OTUD1: variants seen among roughly 807,000 people sequenced by gnomAD.
OTUD1 encodes the protein OTU domain-containing protein 1.
In OTUD1, 15 loss-of-function variants were observed where a neutral mutation model predicts 30.0. The observed-to-expected ratio is 0.50, with a 90% CI of 0.33 to 0.77. OTUD1 has a LOEUF of 0.77. Among genes scored for constraint, OTUD1 ranks in the 30% least tolerant of loss-of-function variants. The pLI is 0.02. For missense variants in OTUD1, 796 were observed against 697.8 expected (o/e 1.14, Z -1.59); for synonymous variants, 381 against 326.3 (o/e 1.17, Z -1.81).
Position 23,440,265 on chromosome 10 carries a change from G to A in OTUD1, c.808G>A (p.Ala270Thr), listed in dbSNP as rs115994850. ...EAPPAGSIEA[A>T]PSSAAEPVIV... ...ACCCCCCGCCGGGAGCATCGAGGCC[G>A]CCCCGAGTAGTGCGGCGGAGCCGGT... is the stretch of plus-strand genomic sequence containing the variant. The change falls in exon 1 of 1, where the codon GCC becomes ACC. Residue 270 changes from alanine (A) to threonine (T), a missense_variant. Ala to Thr is a moderately conservative substitution (Grantham distance 58). Coordinates refer to ENST00000376495, the MANE Select transcript of OTUD1 (RefSeq NM_001145373.3). 3 of 1,548,240 alleles carry A rather than the reference G, an allele frequency of 1.9e-6. No individual in the cohort carries two copies. Among genetic ancestry groups the A allele is most frequent in the East Asian group, 2.4e-5 (1 of 40,838 alleles).
rs1207913160 is a variant in OTUD1, at chr10:23,442,356, T to A, written c.*1453T>A. ...AGTAATTTCAAAGGATAAGTCTGAA[T>A]AAAATATAATTTAAAAGTGGAGTAA... On this transcript the variant is annotated 3_prime_UTR_variant, in exon 1 of 1. Coordinates refer to ENST00000376495, the MANE Select transcript of OTUD1 (RefSeq NM_001145373.3). The A allele has an allele frequency of 6.0e-6, 1 of 167,126 alleles. No homozygotes were observed. Among genetic ancestry groups the A allele is most frequent in the Non-Finnish European group, 1.5e-5 (1 of 68,126 alleles). The allele number at this position is 167,126 out of a possible 1,614,324, so 10.4% of individuals were successfully genotyped here.
Position 23,440,431 on chromosome 10 carries a change from TCA to T in OTUD1, c.975_976del (p.Ser326GlnfsTer33). ...GACGGCAACTGCCTCTACCGAGCTG[TCA>T]GCAAGACGGTGTATGGGGACCAGAG... On this transcript the variant is annotated frameshift_variant, in exon 1 of 1. Coordinates refer to ENST00000376495, the MANE Select transcript of OTUD1 (RefSeq NM_001145373.3). LOFTEE classifies it high-confidence loss of function. The T allele has an allele frequency of 6.4e-7, 1 of 1,551,688 alleles. No homozygotes were observed. The highest frequency in any genetic ancestry group is 8.7e-7 in the Non-Finnish European group (1 of 1,146,990).
chr10:23,439,637 G>T lies in OTUD1; in HGVS notation c.180G>T (p.Glu60Asp). 1 of 1,297,332 alleles carries T rather than the reference G, an allele frequency of 7.7e-7. No homozygotes were observed. The highest frequency in any genetic ancestry group is 9.8e-7 in the Non-Finnish European group (1 of 1,018,158). The allele number at this position is 1,297,332 out of a possible 1,614,324, so 80.4% of individuals were successfully genotyped here. The change falls in exon 1 of 1, where the codon GAG becomes GAT. Residue 60 changes from glutamate (E) to aspartate (D), a missense_variant. Transcript: ENST00000376495. Reference sequence around the variant, plus strand: ...AGTGCCAGCCCGCCGCGGCCGCCGAGCACCGGGAAGCCGCCGCTGTCCCCG... The same window carrying T: ...AGTGCCAGCCCGCCGCGGCCGCCGATCACCGGGAAGCCGCCGCTGTCCCCG... ...TGECQPAAAA[E>D]HREAAAVPAA... is the part of the protein sequence containing the mutation.
rs746828121 is a variant in OTUD1 at position 23,442,066 on chromosome 10, CTTTTT to C, written c.*1166_*1170del. ...TATTTATTAAGTAATGCAGTTTGTA[CTTTTT>C]TTATTTTGTAACATTTTGTGATTTT... On this transcript the variant is annotated 3_prime_UTR_variant, in exon 1 of 1. Coordinates refer to ENST00000376495, the MANE Select transcript of OTUD1 (RefSeq NM_001145373.3). 1 of 166,872 alleles carries C rather than the reference CTTTTT, an allele frequency of 6.0e-6. No individual in the cohort carries two copies. Among genetic ancestry groups the C allele is most frequent in the African/African-American group, 2.4e-5 (1 of 41,426 alleles). The allele number at this position is 166,872 out of a possible 1,614,324, so 10.3% of individuals were successfully genotyped here. A position where few individuals can be genotyped will look rare whatever the true frequency, so the allele number is the denominator to read the frequency against.
Position 23,440,448 on chromosome 10 carries a change from G to A in OTUD1, c.991G>A (p.Gly331Arg). The change falls in exon 1 of 1, where the codon GGG (glycine) becomes AGG (arginine). Residue 331 changes from glycine to arginine, a missense_variant. Coordinates refer to ENST00000376495, the MANE Select transcript of OTUD1 (RefSeq NM_001145373.3). ...LYRAVSKTVY[G>R]DQSLHRELRE... ...CCGAGCTGTCAGCAAGACGGTGTAT[G>A]GGGACCAGAGCCTGCACCGGGAGTT... 6.4e-7 allele frequency: 1 copy of A among 1,551,734 alleles called. No individual in the cohort carries two copies. Among genetic ancestry groups the A allele is most frequent in the Admixed American group, 2.0e-5 (1 of 51,018 alleles).
In OTUD1 at chr10:23,439,395, G is replaced by T; in HGVS notation, c.-63G>T. Reference sequence around the variant, plus strand: ...CCGCCGGCCCCCTCCCCCGGGCCCGGAGGGTGTGTCCCCCGCTCCGGGGCT... The same window carrying T: ...CCGCCGGCCCCCTCCCCCGGGCCCGTAGGGTGTGTCCCCCGCTCCGGGGCT... On this transcript the variant is annotated 5_prime_UTR_variant, in exon 1 of 1. Coordinates refer to ENST00000376495, the MANE Select transcript of OTUD1 (RefSeq NM_001145373.3). 1 of 1,215,482 alleles carries T rather than the reference G, an allele frequency of 8.2e-7. No individual in the cohort carries two copies. 75.3% of individuals were successfully genotyped at this position (1,215,482 alleles called of 1,614,324 possible). A position where few individuals can be genotyped will look rare whatever the true frequency, so the allele number is the denominator to read the frequency against.
rs1847115639 is a variant in OTUD1 at position 23,440,462 on chromosome 10, G to A, written c.1005G>A (p.Leu335=). 3 of 1,551,632 alleles carry A rather than the reference G, an allele frequency of 1.9e-6. No homozygotes were observed. Among genetic ancestry groups the A allele is most frequent in the Non-Finnish European group, 1.7e-6 (2 of 1,147,018 alleles). The stretch of plus-strand genomic sequence containing the variant: ...AGACGGTGTATGGGGACCAGAGCCT[G>A]CACCGGGAGTTGAGGGAGCAGACGG... ...VSKTVYGDQS[L]HRELREQTVH... Residue 335 remains leucine (L), a synonymous_variant, in exon 1 of 1, where the codon CTG becomes CTA. Coordinates refer to ENST00000376495, the MANE Select transcript of OTUD1 (RefSeq NM_001145373.3).
At position 23,440,096 on chromosome 10, in the gene OTUD1, C is replaced by T. The variant is rs780011249; in HGVS notation, c.639C>T (p.Thr213=). 454 of 1,427,972 alleles carry T rather than the reference C, an allele frequency of 3.2e-4. 3 individuals carry two copies. The highest frequency in any genetic ancestry group is 7.4e-4 in the Middle Eastern group (3 of 4,074). The allele number at this position is 1,427,972 out of a possible 1,614,324, so 88.5% of individuals were successfully genotyped here. A position where few individuals can be genotyped will look rare whatever the true frequency, so the allele number is the denominator to read the frequency against. The change falls in exon 1 of 1, where the codon ACC becomes ACT. Residue 213 remains threonine (T), a synonymous_variant. Transcript: ENST00000376495. ...CCAAGCACCGAGGCCCCGCGGCGAC[C>T]CCGGGGAGCCCCGATCCCGGCCCCG... is the stretch of plus-strand genomic sequence containing the variant. ...AAAKHRGPAA[T]PGSPDPGPGP...
chr10:23,441,029 G>C lies in OTUD1; in HGVS notation c.*126G>C. The C allele has an allele frequency of 2.0e-6, 2 of 1,008,956 alleles. No individual in the cohort carries two copies. Among genetic ancestry groups the C allele is most frequent in the Non-Finnish European group, 1.4e-6 (1 of 698,402 alleles). 62.5% of individuals were successfully genotyped at this position (1,008,956 alleles called of 1,614,324 possible). On this transcript the variant is annotated 3_prime_UTR_variant, in exon 1 of 1. Transcript: ENST00000376495. ...TAGTAGATTTTACTGTAGGTGTAAT[G>C]CCTTAATCATCTTTTTGAATGTTTT...
In OTUD1 at chr10:23,439,581, G is replaced by A; in HGVS notation, c.124G>A (p.Ala42Thr). 7.3e-7 allele frequency: 1 copy of A among 1,369,268 alleles called. No individual in the cohort carries two copies. The highest frequency in any genetic ancestry group is 9.5e-7 in the Non-Finnish European group (1 of 1,056,938). The allele number at this position is 1,369,268 out of a possible 1,614,324, so 84.8% of individuals were successfully genotyped here. Residue 42 changes from alanine to threonine, a missense_variant, in exon 1 of 1, where the codon GCC (alanine) becomes ACC (threonine). Ala to Thr is a moderately conservative substitution (Grantham distance 58). Coordinates refer to ENST00000376495, the MANE Select transcript of OTUD1 (RefSeq NM_001145373.3). ...GGTCTCGCTGCAGCCCCCGGGAGCC[G>A]CCGGCGCCGCGCCCGAGCCCGAGAC... ...FKVSLQPPGA[A>T]GAAPEPETGE...
Position 23,439,986 on chromosome 10 carries a change from C to A in OTUD1, c.529C>A (p.Pro177Thr). ...GGAGGAGCTGCTGCGGCCCGACTGC[C>A]CCGAGCCCGCGGGCTTGGACGCGAC... ...LLEELLRPDC[P>T]EPAGLDATRE... The change falls in exon 1 of 1, where the codon CCC becomes ACC. Residue 177 changes from proline (P) to threonine (T), a missense_variant. Transcript: ENST00000376495. 1 of 1,360,610 alleles carries A rather than the reference C, an allele frequency of 7.3e-7. No individual in the cohort carries two copies. The highest frequency in any genetic ancestry group is 9.4e-7 in the Non-Finnish European group (1 of 1,059,942). The allele number at this position is 1,360,610 out of a possible 1,614,324, so 84.3% of individuals were successfully genotyped here.
At position 23,442,179 on chromosome 10, in the gene OTUD1, A is replaced by G. The variant is rs570872956; in HGVS notation, c.*1276A>G. 9.0e-5 allele frequency: 15 copies of G among 167,208 alleles called. No individual in the cohort carries two copies. Among genetic ancestry groups the G allele is most frequent in the African/African-American group, 2.9e-4 (12 of 41,582 alleles). The allele number at this position is 167,208 out of a possible 1,614,324, so 10.4% of individuals were successfully genotyped here. ...TAAAATGCAAAATTATACTTTTACA[A>G]TGCCTTTTTGGATAGAGTGGTTTTT... On this transcript the variant is annotated 3_prime_UTR_variant, in exon 1 of 1. Coordinates refer to ENST00000376495, the MANE Select transcript of OTUD1 (RefSeq NM_001145373.3).
Position 23,439,583 on chromosome 10 carries a change from C to T in OTUD1, c.126C>T (p.Ala42=). Residue 42 remains alanine (A), a synonymous_variant, in exon 1 of 1, where the codon GCC becomes GCT. Coordinates refer to ENST00000376495, the MANE Select transcript of OTUD1 (RefSeq NM_001145373.3). ...TCTCGCTGCAGCCCCCGGGAGCCGC[C>T]GGCGCCGCGCCCGAGCCCGAGACCG... The part of the protein sequence containing the change: ...FKVSLQPPGA[A]GAAPEPETGE... The T allele has an allele frequency of 7.3e-7, 1 of 1,369,220 alleles. No homozygotes were observed. Among genetic ancestry groups the T allele is most frequent in the Non-Finnish European group, 9.5e-7 (1 of 1,056,772 alleles). The allele number at this position is 1,369,220 out of a possible 1,614,324, so 84.8% of individuals were successfully genotyped here. A position where few individuals can be genotyped will look rare whatever the true frequency, so the allele number is the denominator to read the frequency against.
chr10:23,440,056 A>C lies in OTUD1; in HGVS notation c.599A>C (p.Gln200Pro). Residue 200 changes from glutamine (Q) to proline (P), a missense_variant, in exon 1 of 1, where the codon CAG becomes CCG. Transcript: ENST00000376495. ...DRNFRLSEHR[Q>P]ALAAAKHRGP... ...AACTTCCGACTGAGCGAGCACCGCC[A>C]GGCCCTGGCCGCCGCCAAGCACCGA... 3.4e-6 allele frequency: 5 copies of C among 1,452,608 alleles called. No individual in the cohort carries two copies. Among genetic ancestry groups the C allele is most frequent in the Non-Finnish European group, 4.5e-6 (5 of 1,108,898 alleles). The allele number at this position is 1,452,608 out of a possible 1,614,324, so 90.0% of individuals were successfully genotyped here. A position where few individuals can be genotyped will look rare whatever the true frequency, so the allele number is the denominator to read the frequency against.
In OTUD1 at chr10:23,439,470, A is replaced by T; in HGVS notation, c.13A>T (p.Ser5Cys). ...GGCGGGCAGGGACATGCAGCTCTACAGCAGCGTCTGCACCCACTACCCCGC... is the reference window on the plus strand; with the variant it reads ...GGCGGGCAGGGACATGCAGCTCTACTGCAGCGTCTGCACCCACTACCCCGC... MQLY[S>C]SVCTHYPAGA... The change falls in exon 1 of 1, where the codon AGC becomes TGC. Residue 5 changes from serine to cysteine, a missense_variant. Ser to Cys is a moderately radical substitution (Grantham distance 112). Transcript: ENST00000376495. The T allele has an allele frequency of 7.5e-7, 1 of 1,339,340 alleles. No homozygotes were observed. Among genetic ancestry groups the T allele is most frequent in the Non-Finnish European group, 9.6e-7 (1 of 1,045,906 alleles). The allele number at this position is 1,339,340 out of a possible 1,614,324, so 83.0% of individuals were successfully genotyped here. A position where few individuals can be genotyped will look rare whatever the true frequency, so the allele number is the denominator to read the frequency against.
rs1847119694 is a variant in OTUD1 at position 23,440,832 on chromosome 10, G to C, written c.1375G>C (p.Asp459His). ...ACAAACTCAAGTGCAAAGGAAACGC[G>C]ACGAAGAACTTGCCAAATCTATGGC... ...CKQTQVQRKR[D>H]EELAKSMAIS... Residue 459 changes from aspartate to histidine, a missense_variant, in exon 1 of 1, where the codon GAC becomes CAC. By Grantham distance (81) the Asp-to-His change is moderately conservative (BLOSUM62 -1). Coordinates refer to ENST00000376495, the MANE Select transcript of OTUD1 (RefSeq NM_001145373.3). The C allele has an allele frequency of 1.9e-6, 3 of 1,551,950 alleles. No individual in the cohort carries two copies. Among genetic ancestry groups the C allele is most frequent in the African/African-American group, 1.4e-5 (1 of 73,028 alleles).
chr10:23,441,247 CTG>C lies in OTUD1; in HGVS notation c.*345_*346del, dbSNP rs892265201. On this transcript the variant is annotated 3_prime_UTR_variant, in exon 1 of 1. Coordinates refer to ENST00000376495, the MANE Select transcript of OTUD1 (RefSeq NM_001145373.3). ...TATTTTTGCACAACATTTTTAAAAACTGGTGTACCTTCATCTATGACGTGTTC... is the reference window on the plus strand; with the variant it reads ...TATTTTTGCACAACATTTTTAAAAACGTGTACCTTCATCTATGACGTGTTC... The C allele has an allele frequency of 7.4e-5, 18 of 242,042 alleles. No individual in the cohort carries two copies. Among genetic ancestry groups the C allele is most frequent in the Admixed American group, 1.0e-4 (2 of 19,450 alleles). The allele number at this position is 242,042 out of a possible 1,614,324, so 15.0% of individuals were successfully genotyped here.
In OTUD1 at chr10:23,439,874, C is replaced by G. The variant is rs1255265997; in HGVS notation, c.417C>G (p.Ala139=). ...CCGTTCCCGGCGCCGCGGGCTCCGC[C>G]GCTGCCCCGCGCGGCCGCTGCCTCC... ...PDPVPGAAGS[A]AAPRGRCLLL... Residue 139 remains alanine (A), a synonymous_variant, in exon 1 of 1, where the codon GCC becomes GCG. Transcript: ENST00000376495. 7 of 1,143,732 alleles carry G rather than the reference C, an allele frequency of 6.1e-6. No individual in the cohort carries two copies. The highest frequency in any genetic ancestry group is 7.5e-6 in the Non-Finnish European group (7 of 934,698). The allele number at this position is 1,143,732 out of a possible 1,614,324, so 70.8% of individuals were successfully genotyped here.
rs1372454639 is a variant in OTUD1 at position 23,439,496 on chromosome 10, CG to C, written c.43del (p.Ala15ProfsTer181). On this transcript the variant is annotated frameshift_variant, in exon 1 of 1. Transcript: ENST00000376495. LOFTEE classifies it high-confidence loss of function. ...GCAGCGTCTGCACCCACTACCCCGC[CG>C]GGGCCCCGGGTCCCACGGCCGCCGC... Reference protein sequence around the residue: ...YSSVCTHYPAGAPGPTAAAPA... With the variant: ...YSSVCTHYPAXAPGPTAAAPA... The C allele has an allele frequency of 4.4e-6, 6 of 1,370,282 alleles. No homozygotes were observed. The highest frequency in any genetic ancestry group is 1.6e-5 in the South Asian group (1 of 62,396). The allele number at this position is 1,370,282 out of a possible 1,614,324, so 84.9% of individuals were successfully genotyped here. A position where few individuals can be genotyped will look rare whatever the true frequency, so the allele number is the denominator to read the frequency against.
Sources: gnomAD v4.1 joint callset for allele counts on GRCh38, gnomAD v4.1.1 for gene constraint, MANE v1.5 for transcripts, NCBI Gene and HGNC (gene_info 2026-07-23, HGNC 2026-07-21) for gene names.